EXOC6B: variants seen among roughly 807,000 people sequenced by gnomAD.
EXOC6B encodes exocyst complex component 6B.
A neutral mutation model predicts 113.5 loss-of-function variants in EXOC6B; 54 were observed. The observed-to-expected ratio is 0.48, with a 90% CI of 0.38 to 0.60. The LOEUF (loss-of-function observed/expected upper bound fraction) is 0.60, where lower values mean the gene tolerates loss of function less well. EXOC6B is among the 20% of genes least tolerant of loss of function. The pLI is 0.00. For synonymous variants in EXOC6B, 357 were observed against 339.0 expected (o/e 1.05, Z -0.58); for missense variants, 797 against 977.5 (o/e 0.82, Z 2.46).
rs1677704682 is a variant in EXOC6B at position 72,176,018 on chromosome 2, TA to T, written c.*3316del. On this transcript the variant is annotated 3_prime_UTR_variant, in exon 22 of 22. Coordinates refer to ENST00000272427, the MANE Select transcript of EXOC6B (RefSeq NM_015189.3). ...AAACAGGTATGTAGGCTTTCTTGTT[TA>T]ATAGCAGTTAAAAGAGGAAAATGTA... The T allele has an allele frequency of 6.6e-6, 1 of 152,220 alleles. No homozygotes were observed. Among genetic ancestry groups the T allele is most frequent in the African/African-American group, 2.4e-5 (1 of 41,458 alleles). 9.4% of individuals were successfully genotyped at this position (152,220 alleles called of 1,614,324 possible). A position where few individuals can be genotyped will look rare whatever the true frequency, so the allele number is the denominator to read the frequency against.
At chr2:72,619,399 T>C (rs901200318) in intron 6 of EXOC6B, among the ~76,000 whole-genome samples, 3 of 151,908 alleles carry the variant, frequency 2.0e-5, no homozygotes, top group African/African-American at 7.3e-5. Flanking sequence ...GGATTGTCCA[T>C]CCATTAAAAA....
intron 6 of EXOC6B, among the ~76,000 whole-genome samples, chr2:72,623,313 G>A (rs546700757): frequency 5.3e-5 from 8 of 152,178 alleles, no homozygotes; most frequent in Non-Finnish European, 1.2e-4. Context: ...AACTCTTTTA[G>A]AGGGCTAGAG....
intron 17 of EXOC6B, among the ~76,000 whole-genome samples, chr2:72,475,096 T>A (rs1698654036): frequency 6.6e-6 from 1 of 152,150 alleles, no homozygotes. Context: ...CTGGGGACTG[T>A]AACACCAGGT....
At chr2:72,487,536 T>C (rs1699496645) in intron 16 of EXOC6B, among the ~76,000 whole-genome samples, 1 of 152,024 alleles carries the variant, frequency 6.6e-6, no homozygotes, top group African/African-American at 2.4e-5. Flanking sequence ...AATTTTTATA[T>C]TTTTAGTAGA....
At chr2:72,269,107 GT>G (rs1684321444) in intron 20 of EXOC6B, among the ~76,000 whole-genome samples, 1 of 151,968 alleles carries the variant, frequency 6.6e-6, no homozygotes, top group Admixed American at 6.6e-5. Context: ...ATTACAATGT[GT>G]TCCTTCTTTT....
intron 18 of EXOC6B, among the ~76,000 whole-genome samples, chr2:72,389,151 T>C (rs1692222482): frequency 6.6e-6 from 1 of 152,068 alleles, no homozygotes; most frequent in South Asian, 2.1e-4. Flanking sequence ...ATTTCCTGTC[T>C]GCTCTTATAT....
intron 19 of EXOC6B, among the ~76,000 whole-genome samples, chr2:72,355,828 C>T (rs537880717): frequency 1.1e-4 from 17 of 152,114 alleles, no homozygotes; most frequent in Non-Finnish European, 2.2e-4. Flanking sequence ...TTTTAAAGCA[C>T]TATAAATTCT....
chr2:72,521,911 TG>T (rs1423562315), intron 8 of EXOC6B, among the ~76,000 whole-genome samples: 1 of 152,218 alleles, frequency 6.6e-6, no homozygotes, highest in Non-Finnish European at 1.5e-5. Flanking sequence ...TTAGCCAGGA[TG>T]GTCTCAATCT....
chr2:72,813,034 G>T (rs1686011575), intron 1 of EXOC6B, among the ~76,000 whole-genome samples: 1 of 152,148 alleles, frequency 6.6e-6, no homozygotes, highest in South Asian at 2.1e-4. Context: ...GGGGATCTCT[G>T]TATTATTTCT....
At chr2:72,265,310 A>C (rs998885391) in intron 20 of EXOC6B, among the ~76,000 whole-genome samples, 3 of 151,016 alleles carry the variant, frequency 2.0e-5, no homozygotes, top group African/African-American at 4.9e-5. Flanking sequence ...TGTGCAGGTT[A>C]GTTACATATG....
intron 8 of EXOC6B, among the ~76,000 whole-genome samples, chr2:72,521,159 C>T (rs1220939067): frequency 2.6e-5 from 4 of 152,104 alleles, no homozygotes; most frequent in Admixed American, 6.5e-5. Context: ...AGTGGGTTTG[C>T]ACCCTCCCAT....
chr2:72,221,558 A>G (rs1204203578), intron 20 of EXOC6B, among the ~76,000 whole-genome samples: 1 of 152,014 alleles, frequency 6.6e-6, no homozygotes, highest in East Asian at 1.9e-4. Flanking sequence ...TACAACTACA[A>G]CTACAGAATC....
At chr2:72,680,468 A>C (rs1278527309) in intron 6 of EXOC6B, among the ~76,000 whole-genome samples, 1 of 152,192 alleles carries the variant, frequency 6.6e-6, no homozygotes, top group Non-Finnish European at 1.5e-5. Context: ...GGCCTGGCTC[A>C]GTGGCTCACG....
intron 6 of EXOC6B, among the ~76,000 whole-genome samples, chr2:72,681,159 C>T (rs1244449832): frequency 6.6e-6 from 1 of 152,122 alleles, no homozygotes; most frequent in African/African-American, 2.4e-5. Flanking sequence ...CCCCTTTGCT[C>T]TCATCTTTCA....
rs1437242105 is a variant in EXOC6B, at chr2:72,179,583, A to G, written c.2310-122T>C. ...TACCCAGAGTAATGAGAGAGTCCAG[A>G]ATATCTCCACTGTCAGGCCCACACT... On this transcript the variant is annotated intron_variant, in intron 21 of 21. Coordinates refer to ENST00000272427, the MANE Select transcript of EXOC6B (RefSeq NM_015189.3). 3 of 1,153,634 alleles carry G rather than the reference A, an allele frequency of 2.6e-6. No individual in the cohort carries two copies. In the African/African-American group the frequency reaches 4.5e-5, roughly 17 times the overall value. 71.5% of individuals were successfully genotyped at this position (1,153,634 alleles called of 1,614,324 possible). A position where few individuals can be genotyped will look rare whatever the true frequency, so the allele number is the denominator to read the frequency against.
chr2:72,292,172 A>AGTGTGTGTGTGTGT (rs58303616), intron 20 of EXOC6B, among the ~76,000 whole-genome samples: 13 of 139,294 alleles, frequency 9.3e-5, no homozygotes, highest in African/African-American at 1.8e-4. Flanking sequence ...TCCAGAAGTA[A>AGTGTGTGTGTGTGT]GTGTGTGTGT....
intron 1 of EXOC6B, among the ~76,000 whole-genome samples, chr2:72,792,178 T>C (rs1373668588): frequency 6.6e-6 from 1 of 152,180 alleles, no homozygotes; most frequent in Non-Finnish European, 1.5e-5. Flanking sequence ...AACTTCCAAG[T>C]CAAATTTAAT....
At chr2:72,545,279 T>C (rs545732206) in intron 8 of EXOC6B, among the ~76,000 whole-genome samples, 1 of 152,246 alleles carries the variant, frequency 6.6e-6, no homozygotes, top group East Asian at 1.9e-4. Context: ...TGTGTATCTT[T>C]TTTTCATTTG....
At chr2:72,476,716 T>A (rs1698769105) in intron 17 of EXOC6B, among the ~76,000 whole-genome samples, 1 of 152,166 alleles carries the variant, frequency 6.6e-6, no homozygotes, top group South Asian at 2.1e-4. Flanking sequence ...AAATGCAACA[T>A]CCCTCACTTG....
Sources: allele counts gnomAD v4.1 joint callset (sites outside exome capture counted in the v4.1 genomes callset), GRCh38; gene constraint gnomAD v4.1.1; transcripts MANE v1.5; gene names NCBI Gene and HGNC (gene_info 2026-07-23, HGNC 2026-07-21).